CSMD1: variants seen among roughly 807,000 people sequenced by gnomAD.
CSMD1 encodes the protein CUB and sushi domain-containing protein 1.
Under a neutral mutation model 417.5 loss-of-function variants are expected in CSMD1, and 213 were observed. The observed-to-expected ratio is 0.51, with a 90% confidence interval of 0.46 to 0.57. CSMD1 has a LOEUF of 0.57. CSMD1 is among the 20% of genes least tolerant of loss of function. The pLI, the probability that CSMD1 is intolerant of heterozygous loss-of-function variation, is 0.00. For missense variants in CSMD1, 6,923 were observed against 4,529.7 expected (o/e 1.53, Z -15.17); for synonymous variants, 2,862 against 1,736.8 (o/e 1.65, Z -16.11).
chr8:3,795,120 CTATCATGTACAGCTATAG>C (rs1799981396), intron 5 of CSMD1, among the ~76,000 whole-genome samples: 1 of 75,754 alleles, frequency 1.3e-5, no homozygotes, highest in African/African-American at 4.8e-5. Context: ...CTATAGATAT[CTATCATGTACAGCTATAG>C]ATATCTATCA....
rs1477712137 is a variant in CSMD1, at chr8:4,788,363, T to C, written c.86-150805A>G. 8.8e-6 allele frequency: 13 copies of C among 1,478,732 alleles called. No homozygotes were observed. The South Asian group carries it at 1.2e-4, about 13-fold the overall frequency. The allele number at this position is 1,478,732 out of a possible 1,614,324, so 91.6% of individuals were successfully genotyped here. A position where few individuals can be genotyped will look rare whatever the true frequency, so the allele number is the denominator to read the frequency against. On this transcript the variant is annotated intron_variant, in intron 1 of 69. Transcript: ENST00000635120. ...CTGCATATCCAGTTATCACCTGTCC[T>C]CCCCTCACACCAGACTGGGGAGCTC...
intron 5 of CSMD1, among the ~76,000 whole-genome samples, chr8:3,846,883 C>G (rs544588932): frequency 1.3e-5 from 2 of 152,132 alleles, no homozygotes; most frequent in African/African-American, 4.8e-5. Context: ...TCATGTTGGC[C>G]AAGCTGGTCT....
chr8:4,406,154 A>T (rs1805003410), intron 3 of CSMD1, among the ~76,000 whole-genome samples: 1 of 152,230 alleles, frequency 6.6e-6, no homozygotes, highest in African/African-American at 2.4e-5. Flanking sequence ...AATCGTGCAC[A>T]CATTAGAATT....
At chr8:4,257,383 C>T (rs1389340333) in intron 3 of CSMD1, among the ~76,000 whole-genome samples, 1 of 151,912 alleles carries the variant, frequency 6.6e-6, no homozygotes, top group African/African-American at 2.4e-5. Context: ...TTATATATTA[C>T]CATTTTTCTT....
chr8:3,709,865 G>A (rs956668553), intron 6 of CSMD1, among the ~76,000 whole-genome samples: 33 of 150,736 alleles, frequency 2.2e-4, no homozygotes, highest in African/African-American at 7.6e-4. Flanking sequence ...GTGTGTGTGT[G>A]TGTACACATG....
chr8:4,630,166 C>T (rs144608167), intron 2 of CSMD1, among the ~76,000 whole-genome samples: 107 of 152,176 alleles, frequency 7.0e-4, no homozygotes, highest in African/African-American at 2.3e-3. Flanking sequence ...GTATTGCAAA[C>T]ATAATTATTA....
intron 7 of CSMD1, among the ~76,000 whole-genome samples, chr8:3,632,353 C>T (rs934704209): frequency 6.6e-6 from 1 of 152,132 alleles, no homozygotes; most frequent in African/African-American, 2.4e-5. Flanking sequence ...GACACCCCCC[C>T]ATCCCCACTT....
intron 12 of CSMD1, among the ~76,000 whole-genome samples, chr8:3,423,990 T>C (rs893070929): frequency 6.6e-6 from 1 of 152,178 alleles, no homozygotes; most frequent in African/African-American, 2.4e-5. Context: ...CCAGTTTTCT[T>C]TGTTGGTGAA....
intron 3 of CSMD1, among the ~76,000 whole-genome samples, chr8:4,043,596 T>G (rs1432624488): frequency 6.6e-6 from 1 of 152,236 alleles, no homozygotes; most frequent in Non-Finnish European, 1.5e-5. Flanking sequence ...GAAATCAATG[T>G]AGAATAGCCA....
intron 23 of CSMD1, among the ~76,000 whole-genome samples, chr8:3,327,955 C>G (rs1165977672): frequency 6.6e-6 from 1 of 152,124 alleles, no homozygotes; most frequent in Non-Finnish European, 1.5e-5. Context: ...CTACCTAGCC[C>G]TAGCCCAGAA....
intron 1 of CSMD1, among the ~76,000 whole-genome samples, chr8:4,976,008 G>T (rs1217287119): frequency 6.6e-6 from 1 of 152,122 alleles, no homozygotes; most frequent in African/African-American, 2.4e-5. Context: ...AACCCTTTCT[G>T]GTTTGGACTG....
intron 5 of CSMD1, among the ~76,000 whole-genome samples, chr8:3,904,303 C>A (rs1807962066): frequency 6.6e-6 from 1 of 152,154 alleles, no homozygotes; most frequent in African/African-American, 2.4e-5. Flanking sequence ...ACACCCCTTT[C>A]TTTCATCCCA....
At chr8:3,126,753 C>T (rs1166563402) in intron 41 of CSMD1, among the ~76,000 whole-genome samples, 1 of 152,216 alleles carries the variant, frequency 6.6e-6, no homozygotes, top group Non-Finnish European at 1.5e-5. Context: ...GTCCCAGCAC[C>T]TGCTTATGAA....
At chr8:4,346,592 C>A (rs766181212) in intron 3 of CSMD1, among the ~76,000 whole-genome samples, 67 of 152,114 alleles carry the variant, frequency 4.4e-4, no homozygotes, top group Non-Finnish European at 7.8e-4. Flanking sequence ...TGACTGATTT[C>A]ATTTCAATCT....
chr8:3,988,485 G>A (rs769009151), intron 5 of CSMD1, among the ~76,000 whole-genome samples: 4 of 152,194 alleles, frequency 2.6e-5, no homozygotes, highest in Non-Finnish European at 4.4e-5. Flanking sequence ...TCTGGAGCAC[G>A]GAACAGCAGC....
At chr8:3,345,503 G>T (rs1050117816) in intron 22 of CSMD1, among the ~76,000 whole-genome samples, 1 of 152,136 alleles carries the variant, frequency 6.6e-6, no homozygotes, top group African/African-American at 2.4e-5. Context: ...TAAAAACCCA[G>T]ATAGGAGTGG....
At chr8:4,376,800 A>C (rs558836116) in intron 3 of CSMD1, among the ~76,000 whole-genome samples, 2 of 152,088 alleles carry the variant, frequency 1.3e-5, no homozygotes, top group South Asian at 4.2e-4. Context: ...CTGTTGTCCG[A>C]CCTCTACTTT....
At chr8:4,563,034 T>C (rs1187772345) in intron 2 of CSMD1, among the ~76,000 whole-genome samples, 4 of 152,214 alleles carry the variant, frequency 2.6e-5, no homozygotes, top group Non-Finnish European at 4.4e-5. Flanking sequence ...TTAAACAGTG[T>C]TTTATTTGTA....
intron 3 of CSMD1, among the ~76,000 whole-genome samples, chr8:4,271,751 C>G (rs1165090131): frequency 6.6e-6 from 1 of 152,098 alleles, no homozygotes. Flanking sequence ...TATACTTATA[C>G]ATATAAAACA....
Sources: gnomAD v4.1 joint callset for allele counts (sites outside exome capture counted in the v4.1 genomes callset) on GRCh38, gnomAD v4.1.1 for gene constraint, MANE v1.5 for transcripts, NCBI Gene and HGNC (gene_info 2026-07-23, HGNC 2026-07-21) for gene names.